FAM217A: variants seen among roughly 807,000 people sequenced by gnomAD.
FAM217A encodes protein FAM217A.
In FAM217A, 13 loss-of-function variants were observed where a neutral mutation model predicts 18.5. The ratio of observed to expected loss-of-function variants is 0.70; its 90% CI spans 0.46 to 1.12. The LOEUF (loss-of-function observed/expected upper bound fraction) is 1.12. Ranked by LOEUF, FAM217A falls within the 50% of genes most tolerant of loss-of-function variation. FAM217A has a pLI of 0.00. For synonymous variants in FAM217A, 161 were observed against 202.8 expected, an observed-to-expected ratio of 0.79 and a Z score of 1.75; for missense variants, 560 against 575.4, an observed-to-expected ratio of 0.97 and a Z score of 0.27.
intron 2 of FAM217A, among the ~76,000 whole-genome samples, chr6:4,076,337 A>G (rs954927936): frequency 7.1e-5 from 10 of 140,574 alleles, no homozygotes; most frequent in African/African-American, 2.9e-4. Flanking sequence ...TCAAAAAAAA[A>G]GAAAAAAAAA....
At chr6:4,070,449 A>G (rs1206586446) in intron 6 of FAM217A, among the ~76,000 whole-genome samples, 1 of 152,228 alleles carries the variant, frequency 6.6e-6, no homozygotes, top group Non-Finnish European at 1.5e-5. Flanking sequence ...ATTAAAAATT[A>G]TCCCAGATAT....
chr6:4,080,725 A>C (rs1027556264), upstream of FAM217A, among the ~76,000 whole-genome samples: 30 of 152,198 alleles, frequency 2.0e-4, no homozygotes, highest in African/African-American at 7.0e-4. Context: ...TGTCAAGCAC[A>C]TCGGACATTT....
rs1390250254 is a variant in FAM217A, at chr6:4,069,529, T to G, written c.694A>C (p.Lys232Gln). ...TCGGTGAAAGGTTCCTCAACATTTT[T>G]TATTGTTTCTGGCTTCAAGTTCAGG... is the stretch of plus-strand genomic sequence containing the variant. ...VDLNLKPETI[K>Q]NVEEPFTEEP... Residue 232 changes from lysine to glutamine, a missense_variant, in exon 7 of 7, where the codon AAA becomes CAA. Coordinates refer to ENST00000274673, the MANE Select transcript of FAM217A (RefSeq NM_173563.3). 6.2e-7 allele frequency: 1 copy of G among 1,614,182 alleles called. No homozygotes were observed. The highest frequency in any genetic ancestry group is 2.2e-5 in the East Asian group (1 of 44,884).
intron 6 of FAM217A, among the ~76,000 whole-genome samples, chr6:4,071,205 G>A (rs112909101): frequency 0.012 from 1,834 of 152,210 alleles, 35 homozygotes; most frequent in African/African-American, 0.042. Flanking sequence ...AAATGGAAAT[G>A]ATAATACCTA....
At chr6:4,085,311 A>AAAATATATATATATAT (rs377046907) in intron 1 of FAM217A, among the ~76,000 whole-genome samples, 25 of 146,438 alleles carry the variant, frequency 1.7e-4, no homozygotes, top group East Asian at 1.2e-3. Flanking sequence ...TGTAAAAAAA[A>AAAATATATATATATAT]ATATATATAT....
Position 4,078,937 on chromosome 6 carries a change from G to C in FAM217A, c.-120C>G, listed in dbSNP as rs1365518302. ...AGCGCCTCCGCGTGCGTGGCTGACGGCTTGGAGGGCGCCCCCTCTGCCGCG... is the reference window on the plus strand; with the variant it reads ...AGCGCCTCCGCGTGCGTGGCTGACGCCTTGGAGGGCGCCCCCTCTGCCGCG... On this transcript the variant is annotated 5_prime_UTR_variant, in exon 1 of 7. Coordinates refer to ENST00000274673, the MANE Select transcript of FAM217A (RefSeq NM_173563.3). The C allele has an allele frequency of 1.8e-6, 1 of 570,436 alleles. No homozygotes were observed. Among genetic ancestry groups the C allele is most frequent in the African/African-American group, 2.0e-5 (1 of 50,852 alleles). The allele number at this position is 570,436 out of a possible 1,614,324, so 35.3% of individuals were successfully genotyped here. A position where few individuals can be genotyped will look rare whatever the true frequency, so the allele number is the denominator to read the frequency against.
chr6:4,080,914 A>C (rs528461746), upstream of FAM217A, among the ~76,000 whole-genome samples: 1 of 150,504 alleles, frequency 6.6e-6, no homozygotes, highest in East Asian at 1.9e-4. Flanking sequence ...AAAAATACAA[A>C]AAAAAAAAAA....
In FAM217A at chr6:4,069,689, A is replaced by T; in HGVS notation, c.534T>A (p.Gly178=). The change falls in exon 7 of 7, where the codon GGT becomes GGA. Residue 178 remains glycine (G), a synonymous_variant. Coordinates refer to ENST00000274673, the MANE Select transcript of FAM217A (RefSeq NM_173563.3). The part of the protein sequence containing the change: ...SSCSTIENND[G]ETLPAPNWNL... ...TCCAATTTGGAGCAGGTAATGTTTC[A>T]CCATCATTGTTTTCTATAGTTGAAC... The T allele has an allele frequency of 6.2e-7, 1 of 1,614,038 alleles. No individual in the cohort carries two copies. The highest frequency in any genetic ancestry group is 8.5e-7 in the Non-Finnish European group (1 of 1,179,988).
At chr6:4,079,398 G>A, upstream of FAM217A, 2 of 312,614 alleles carry the variant, frequency 6.4e-6, no homozygotes, top group Admixed American at 4.4e-5. Context: ...GGCCTGAAGG[G>A]GCCGCCCCCG....
In FAM217A at chr6:4,069,363, A is replaced by C. The variant is rs1409219672; in HGVS notation, c.860T>G (p.Ile287Arg). Residue 287 changes from isoleucine (I) to arginine (R), a missense_variant, in exon 7 of 7, where the codon ATA (isoleucine) becomes AGA (arginine). Physicochemically the swap from Ile to Arg is moderately conservative, Grantham distance 97. Transcript: ENST00000274673. The part of the protein sequence containing the change: ...DPAETSVEHL[I>R]TRLLELERLQ... ...TCGTTCTAGTTCCAGTAAACGAGTT[A>C]TCAAGTGTTCAACAGAGGTTTCTGC... The C allele has an allele frequency of 6.2e-7, 1 of 1,614,086 alleles. No individual in the cohort carries two copies. The highest frequency in any genetic ancestry group is 1.3e-5 in the African/African-American group (1 of 74,942).
At chr6:4,086,446 CAA>C (rs60309347) in intron 1 of FAM217A, among the ~76,000 whole-genome samples, 11,050 of 76,112 alleles carry the variant, frequency 0.15, 448 homozygotes, top group East Asian at 0.37. Context: ...AACTCTGTCT[CAA>C]AAAAAAAAAA....
intron 1 of FAM217A, 80 bp from the exon 2 acceptor site, chr6:4,077,528 A>G (rs1769908367): frequency 8.5e-7 from 1 of 1,173,452 alleles, no homozygotes; most frequent in Non-Finnish European, 1.3e-6. Flanking sequence ...TTGATTTCCC[A>G]TCTAAAGGAG....
At chr6:4,079,345 CCCGGCCTCCCCCG>C (rs1305125635), upstream of FAM217A, 1 of 218,476 alleles carries the variant, frequency 4.6e-6, no homozygotes, top group Non-Finnish European at 9.3e-6. Context: ...CTGCGCCCCG[CCCGGCCTCCCCCG>C]CGGGGCTGCG....
At chr6:4,081,970 C>G (rs1770330188), upstream of FAM217A, among the ~76,000 whole-genome samples, 1 of 152,168 alleles carries the variant, frequency 6.6e-6, no homozygotes, top group Admixed American at 6.6e-5. Context: ...TAAATACATC[C>G]TCTAAGATTC....
At chr6:4,079,659 A>C (rs752159633), upstream of FAM217A, 1 of 1,284,490 alleles carries the variant, frequency 7.8e-7, no homozygotes, top group South Asian at 1.2e-5. Context: ...GCCTGCTCAC[A>C]TCAAGCCAGG....
At chr6:4,083,743 G>A (rs928440640), upstream of FAM217A, among the ~76,000 whole-genome samples, 2 of 151,938 alleles carry the variant, frequency 1.3e-5, no homozygotes, top group Non-Finnish European at 2.9e-5. Flanking sequence ...TAGTAGAGAC[G>A]AGGTTTCACC....
chr6:4,072,476 A>AAG (rs1769493823), intron 6 of FAM217A, among the ~76,000 whole-genome samples: 2 of 149,884 alleles, frequency 1.3e-5, no homozygotes, highest in Admixed American at 6.6e-5. Context: ...TAAAAAAAAA[A>AAG]AAGCGGCCTG....
At chr6:4,084,905 G>A (rs755542095) in intron 1 of FAM217A, 12 of 643,642 alleles carry the variant, frequency 1.9e-5, no homozygotes, top group African/African-American at 1.3e-4. Flanking sequence ...CAGCTGCTGC[G>A]CTGCGGGATC....
chr6:4,085,311 A>AAAAATATATATATATAT (rs377046907), intron 1 of FAM217A, among the ~76,000 whole-genome samples: 3 of 146,420 alleles, frequency 2.0e-5, no homozygotes, highest in Non-Finnish European at 4.5e-5. Flanking sequence ...TGTAAAAAAA[A>AAAAATATATATATATAT]ATATATATAT....
Sources: gnomAD v4.1 joint callset for allele counts (sites outside exome capture counted in the v4.1 genomes callset) on GRCh38, gnomAD v4.1.1 for gene constraint, MANE v1.5 for transcripts, NCBI Gene and HGNC (gene_info 2026-07-23, HGNC 2026-07-21) for gene names.